PPP2R2B: variants seen among roughly 807,000 people sequenced by gnomAD.
PPP2R2B encodes protein phosphatase 2 regulatory subunit Bbeta.
Under a neutral mutation model 46.0 loss-of-function variants are expected in PPP2R2B, and 5 were observed. The ratio of observed to expected loss-of-function variants is 0.11; its 90% CI spans 0.06 to 0.23. PPP2R2B has a LOEUF of 0.23. Among genes scored for constraint, PPP2R2B ranks in the 10% least tolerant of loss-of-function variants. The probability of loss-of-function intolerance (pLI) is 1.00; values close to 1 mark genes in which losing one functional copy is unlikely to be tolerated. For missense variants in PPP2R2B, 367 were observed against 575.0 expected (o/e 0.64, Z 3.70); for synonymous variants, 215 against 206.7 (o/e 1.04, Z -0.34).
chr5:147,020,580 G>A (rs2151884657), intron 1 of PPP2R2B, among the ~76,000 whole-genome samples: 1 of 152,182 alleles, frequency 6.6e-6, no homozygotes, highest in Admixed American at 6.5e-5. Context: ...GGTGGAGAAA[G>A]AAAACAAAAA....
intron 7 of PPP2R2B, among the ~76,000 whole-genome samples, chr5:146,630,893 C>A (rs938018008): frequency 2.6e-5 from 4 of 152,118 alleles, no homozygotes; most frequent in African/African-American, 9.7e-5. Context: ...ACTTTCATGA[C>A]CCATATTTTA....
At chr5:146,785,907 T>C (rs921013622) in intron 2 of PPP2R2B, among the ~76,000 whole-genome samples, 4 of 152,044 alleles carry the variant, frequency 2.6e-5, no homozygotes. Context: ...TAAAGAGAAG[T>C]AGATTAATGA....
intron 5 of PPP2R2B, among the ~76,000 whole-genome samples, chr5:146,686,204 G>C (rs905387852): frequency 2.6e-5 from 4 of 152,200 alleles, no homozygotes; most frequent in Admixed American, 6.5e-5. Context: ...GATTGTTCCA[G>C]GTGCCGGAGT....
In PPP2R2B at chr5:146,800,030, C is replaced by T. The variant is rs76880298; in HGVS notation, c.70+77972G>A. 3.9e-3 allele frequency among the ~76,000 whole-genome samples: 597 copies of T among 151,688 alleles called. 9 individuals are homozygous for T. Among genetic ancestry groups the T allele is most frequent in the African/African-American group, 0.014 (570 of 41,380 alleles). On this transcript the variant is annotated intron_variant, in intron 2 of 9. Coordinates refer to ENST00000394411, the MANE Select transcript of PPP2R2B (RefSeq NM_181675.4). ...GATAGTTCATTAGTGGGTGTGGAAT[C>T]GATCTGAAAAAAAACCTAAGACGAT...
chr5:146,691,176 T>G lies in PPP2R2B; in HGVS notation c.399A>C (p.Lys133Asn), dbSNP rs747303834. 6.2e-7 allele frequency: 1 copy of G among 1,614,178 alleles called. No homozygotes were observed. Residue 133 changes from lysine to asparagine, a missense_variant, in exon 5 of 10, where the codon AAA (lysine) becomes AAC (asparagine). Coordinates refer to ENST00000394411, the MANE Select transcript of PPP2R2B (RefSeq NM_181675.4). ...RDKRPEGYNL[K>N]DEEGRLRDPA... ...GATCCCGGAGCCGGCCCTCCTCATC[T>G]TTCAGATTGTAGCCTTCTGGCCTCT...
intron 1 of PPP2R2B, among the ~76,000 whole-genome samples, chr5:146,933,590 A>C (rs1200580533): frequency 1.3e-5 from 2 of 152,118 alleles, no homozygotes; most frequent in Non-Finnish European, 2.9e-5. Context: ...CAGGGAGATT[A>C]CCAAGCTTCC....
intron 1 of PPP2R2B, among the ~76,000 whole-genome samples, chr5:147,033,184 G>C (rs769272693): frequency 5.3e-5 from 8 of 152,200 alleles, no homozygotes; most frequent in Non-Finnish European, 1.0e-4. Context: ...TACTGACCAG[G>C]AAGTCAGGCC....
chr5:147,035,523 G>A (rs1223685547), intron 1 of PPP2R2B, among the ~76,000 whole-genome samples: 1 of 152,130 alleles, frequency 6.6e-6, no homozygotes, highest in African/African-American at 2.4e-5. Flanking sequence ...CCACTAATAA[G>A]TAGACTCTCA....
At chr5:146,633,091 C>T (rs903268810) in intron 7 of PPP2R2B, among the ~76,000 whole-genome samples, 70 of 152,276 alleles carry the variant, frequency 4.6e-4, no homozygotes, top group African/African-American at 1.5e-3. Flanking sequence ...CCTATTGTTT[C>T]AGACATCTAA....
At chr5:147,055,759 T>C (rs1240864506) in exon 1 of PPP2R2B, 1 of 1,598,116 alleles carries the variant, frequency 6.3e-7, no homozygotes, top group Non-Finnish European at 8.5e-7. Flanking sequence ...AAATAAAAAA[T>C]AAAAATCTAA....
intron 2 of PPP2R2B, among the ~76,000 whole-genome samples, chr5:146,797,940 G>A (rs1309096826): frequency 3.3e-5 from 5 of 152,096 alleles, no homozygotes; most frequent in South Asian, 4.1e-4. Flanking sequence ...CCATGAATAC[G>A]GCAGAAAACT....
chr5:146,878,520 C>T lies in PPP2R2B; in HGVS notation c.-125+71G>A. On this transcript the variant is annotated intron_variant, in intron 1 of 9. Transcript: ENST00000394411. The surrounding 1 kb of genome is among the most constrained non-coding windows in gnomAD (Gnocchi z 4.5). ...CTCCTCCCCCTGGGAGAGCGGGCAG[C>T]CGCGACAAAATGGTGCCTTTCTGGA... The T allele has an allele frequency of 7.8e-7, 1 of 1,286,112 alleles. No homozygotes were observed. The highest frequency in any genetic ancestry group is 3.2e-5 in the East Asian group (1 of 31,694). The allele number at this position is 1,286,112 out of a possible 1,614,324, so 79.7% of individuals were successfully genotyped here. A position where few individuals can be genotyped will look rare whatever the true frequency, so the allele number is the denominator to read the frequency against.
chr5:146,648,574 G>A (rs1460637444), intron 6 of PPP2R2B, among the ~76,000 whole-genome samples: 1 of 152,084 alleles, frequency 6.6e-6, no homozygotes, highest in African/African-American at 2.4e-5. Context: ...GTTCATACAA[G>A]GCCCTTGCTC....
At chr5:146,915,262 T>A (rs1300418501) in intron 1 of PPP2R2B, among the ~76,000 whole-genome samples, 4 of 152,172 alleles carry the variant, frequency 2.6e-5, no homozygotes, top group Admixed American at 1.3e-4. Flanking sequence ...AATCAGATCA[T>A]GTCATTCTTC....
intron 6 of PPP2R2B, among the ~76,000 whole-genome samples, chr5:146,647,422 T>C (rs1373806951): frequency 6.6e-6 from 1 of 152,208 alleles, no homozygotes; most frequent in Admixed American, 6.5e-5. Context: ...GAGGTGGCTA[T>C]ACTTCAGTGA....
At position 147,018,068 on chromosome 5, in the gene PPP2R2B, C is replaced by T. The variant is rs1238161968; in HGVS notation, c.79+37597G>A. Among the ~76,000 whole-genome samples, 3 of 151,750 alleles carry T rather than the reference C, an allele frequency of 2.0e-5. No individual in the cohort carries two copies. The Middle Eastern group carries it at 0.01, about 516-fold the overall frequency. ...GCACACACACACACACACACACACA[C>T]ACACACACACACTTAGAAGCGTTAA... On this transcript the variant is annotated intron_variant, in intron 1 of 8. Transcript: ENST00000336640.
intron 1 of PPP2R2B, among the ~76,000 whole-genome samples, chr5:147,004,953 T>C (rs999292843): frequency 2.0e-5 from 3 of 152,170 alleles, no homozygotes; most frequent in African/African-American, 7.2e-5. Context: ...TCAGAGGCTA[T>C]ACAAGGAAAG....
intron 2 of PPP2R2B, among the ~76,000 whole-genome samples, chr5:147,073,465 C>T (rs868354543): frequency 2.0e-5 from 3 of 152,124 alleles, no homozygotes; most frequent in African/African-American, 4.8e-5. Flanking sequence ...GAGCGCCATG[C>T]AAAGTGAAGT....
At chr5:147,003,524 T>C (rs1020586664) in intron 1 of PPP2R2B, among the ~76,000 whole-genome samples, 1 of 152,132 alleles carries the variant, frequency 6.6e-6, no homozygotes, top group Admixed American at 6.5e-5. Context: ...TATTGTTAGA[T>C]CAAACCCTGG....
Sources: allele counts gnomAD v4.1 joint callset (sites outside exome capture counted in the v4.1 genomes callset), GRCh38; gene constraint gnomAD v4.1.1; non-coding constraint Gnocchi (gnomAD v3.1); transcripts MANE v1.5; gene names NCBI Gene and HGNC (gene_info 2026-07-23, HGNC 2026-07-21).